ANKS1B: variants seen among roughly 807,000 people sequenced by gnomAD.
ANKS1B encodes the protein ankyrin repeat and sterile alpha motif domain containing 1B.
In ANKS1B, 36 loss-of-function variants were observed where a neutral mutation model predicts 148.3. The ratio of observed to expected loss-of-function variants is 0.24; its 90% CI spans 0.19 to 0.32. The LOEUF (loss-of-function observed/expected upper bound fraction) is 0.32. ANKS1B is among the 10% of genes least tolerant of loss of function. The probability of loss-of-function intolerance (pLI) is 1.00; values close to 1 mark genes in which losing one functional copy is unlikely to be tolerated. For synonymous variants in ANKS1B, 542 were observed against 560.8 expected, an observed-to-expected ratio of 0.97 and a Z score of 0.47; for missense variants, 1,157 against 1,542.6, an observed-to-expected ratio of 0.75 and a Z score of 4.19.
chr12:99,683,325 A>G (rs1193567781), intron 8 of ANKS1B, among the ~76,000 whole-genome samples: 1 of 152,174 alleles, frequency 6.6e-6, no homozygotes, highest in African/African-American at 2.4e-5. Flanking sequence ...GAAATAGAAA[A>G]GATCATTCAA....
intron 22 of ANKS1B, among the ~76,000 whole-genome samples, chr12:98,785,701 G>A (rs942220902): frequency 6.6e-6 from 1 of 152,074 alleles, no homozygotes; most frequent in African/African-American, 2.4e-5. Flanking sequence ...CCTTCCCAGG[G>A]ACGAAGGCGC....
chr12:99,330,562 A>T (rs776656929), intron 12 of ANKS1B, among the ~76,000 whole-genome samples: 13 of 152,154 alleles, frequency 8.5e-5, no homozygotes, highest in Non-Finnish European at 1.5e-4. Context: ...GATTATTTGC[A>T]TCTGTTTTAG....
intron 12 of ANKS1B, among the ~76,000 whole-genome samples, chr12:99,352,364 A>T (rs2091511337): frequency 6.6e-6 from 1 of 152,020 alleles, no homozygotes; most frequent in South Asian, 2.1e-4. Context: ...CAAAAGTATA[A>T]ATAAGAATGA....
chr12:99,080,660 A>C (rs556780469), intron 16 of ANKS1B, among the ~76,000 whole-genome samples: 1 of 152,350 alleles, frequency 6.6e-6, no homozygotes, highest in East Asian at 1.9e-4. Flanking sequence ...ATATTATCAA[A>C]GGACAGAAGC....
At chr12:99,157,285 C>T (rs2076165731) in intron 14 of ANKS1B, among the ~76,000 whole-genome samples, 1 of 152,320 alleles carries the variant, frequency 6.6e-6, no homozygotes, top group Admixed American at 6.5e-5. Context: ...CCTAGGATCA[C>T]AGCCACAGTG....
intron 17 of ANKS1B, among the ~76,000 whole-genome samples, chr12:98,954,601 T>C (rs117192201): frequency 0.018 from 2,732 of 152,344 alleles, 28 homozygotes; most frequent in Middle Eastern, 0.031. Flanking sequence ...TTGCATTTTG[T>C]GTCTGAAAAA....
chr12:99,847,042 C>T (rs375557358), intron 1 of ANKS1B, among the ~76,000 whole-genome samples: 103 of 151,526 alleles, frequency 6.8e-4, no homozygotes, highest in African/African-American at 2.2e-3. Flanking sequence ...TGTTTTGGCA[C>T]GCTAAGTACT....
chr12:98,821,511 C>CTG (rs561528107), intron 19 of ANKS1B, among the ~76,000 whole-genome samples: 3 of 152,186 alleles, frequency 2.0e-5, no homozygotes, highest in Non-Finnish European at 4.4e-5. Context: ...CTCTCTCTCT[C>CTG]TGTCTCTCTC....
intron 12 of ANKS1B, among the ~76,000 whole-genome samples, chr12:99,372,484 T>A (rs945190926): frequency 1.3e-5 from 2 of 152,122 alleles, no homozygotes; most frequent in Admixed American, 1.3e-4. Context: ...AAGAATAAGA[T>A]GTTTATAAAG....
At chr12:99,113,731 A>G (rs1175220176) in intron 15 of ANKS1B, among the ~76,000 whole-genome samples, 4 of 152,152 alleles carry the variant, frequency 2.6e-5, no homozygotes, top group African/African-American at 9.7e-5. Context: ...ACTCTCAGAG[A>G]AGGCCCTTGA....
chr12:99,911,474 A>C (rs895836707), intron 1 of ANKS1B, among the ~76,000 whole-genome samples: 2 of 152,224 alleles, frequency 1.3e-5, no homozygotes, highest in Non-Finnish European at 2.9e-5. Context: ...AGTCCAAAAT[A>C]AACTTGCCAG....
chr12:99,372,103 A>G (rs569319802), intron 12 of ANKS1B, among the ~76,000 whole-genome samples: 16 of 152,234 alleles, frequency 1.1e-4, no homozygotes, highest in Middle Eastern at 6.8e-3. Context: ...CAACACCAAG[A>G]GTGAACTCTA....
chr12:99,284,735 A>G (rs1344706213), intron 12 of ANKS1B, among the ~76,000 whole-genome samples: 3 of 152,086 alleles, frequency 2.0e-5, no homozygotes, highest in African/African-American at 7.2e-5. Flanking sequence ...TCTACTTACA[A>G]TCTTTCAATG....
intron 17 of ANKS1B, among the ~76,000 whole-genome samples, chr12:98,957,674 G>T (rs562370508): frequency 2.6e-5 from 4 of 152,070 alleles, no homozygotes; most frequent in Admixed American, 2.6e-4. Context: ...TAAAGCGTTA[G>T]GGGTGGTGAG....
intron 9 of ANKS1B, among the ~76,000 whole-genome samples, chr12:99,522,677 T>C (rs776805462): frequency 1.3e-5 from 2 of 152,092 alleles, no homozygotes; most frequent in Non-Finnish European, 2.9e-5. Context: ...TTAGCAATAC[T>C]ATGAAAAAAA....
chr12:99,105,471 T>C (rs75774141), intron 15 of ANKS1B, among the ~76,000 whole-genome samples: 2,437 of 152,212 alleles, frequency 0.016, 55 homozygotes, highest in African/African-American at 0.056. Flanking sequence ...CAACCCAATG[T>C]CACAGGAAAT....
chr12:99,333,862 T>TTTTTTTTTTTTTTTTTTTTTG (rs2088147523), intron 12 of ANKS1B, among the ~76,000 whole-genome samples: 1 of 149,236 alleles, frequency 6.7e-6, no homozygotes, highest in African/African-American at 2.5e-5. Context: ...CAGTTTTTTT[T>TTTTTTTTTTTTTTTTTTTTTG]TTTTTTTTTT....
At position 98,744,270 on chromosome 12, in the gene ANKS1B, C is replaced by CGT; in HGVS notation, c.*1467_*1468dup. ...AAATTCTTCAACACTGAACTAAAACCGTATACATTTGTTAGTTTGAAATAA... is the reference window on the plus strand; with the variant it reads ...AAATTCTTCAACACTGAACTAAAACCGTGTATACATTTGTTAGTTTGAAATAA... On this transcript the variant is annotated 3_prime_UTR_variant, in exon 27 of 27. Coordinates refer to ENST00000683438, the MANE Select transcript of ANKS1B (RefSeq NM_001352186.2). 2.1e-6 allele frequency: 2 copies of CGT among 938,700 alleles called. No individual in the cohort carries two copies. The highest frequency in any genetic ancestry group is 2.5e-6 in the Non-Finnish European group (2 of 787,222). 58.1% of individuals were successfully genotyped at this position (938,700 alleles called of 1,614,324 possible).
chr12:99,351,102 T>A (rs2091365254), intron 12 of ANKS1B, among the ~76,000 whole-genome samples: 1 of 152,100 alleles, frequency 6.6e-6, no homozygotes, highest in Non-Finnish European at 1.5e-5. Context: ...TTGGAAAAAA[T>A]CTTGGTATTT....
Sources: allele counts gnomAD v4.1 joint callset (sites outside exome capture counted in the v4.1 genomes callset), GRCh38; gene constraint gnomAD v4.1.1; transcripts MANE v1.5; gene names NCBI Gene and HGNC (gene_info 2026-07-23, HGNC 2026-07-21).